Variants in ATP9B observed in about 807,000 individuals in gnomAD.
ATP9B encodes probable phospholipid-transporting ATPase IIB.
In ATP9B, 110 loss-of-function variants were observed where a neutral mutation model predicts 146.1. The ratio of observed to expected loss-of-function variants is 0.75; its 90% CI spans 0.65 to 0.88. The LOEUF is 0.88. Ranked by LOEUF, ATP9B falls within the 40% of genes least tolerant of loss-of-function variation. The pLI is 0.00. For missense variants in ATP9B, 1,499 were observed against 1,496.4 expected, an observed-to-expected ratio of 1.00 and a Z score of -0.03; for synonymous variants, 604 against 569.7, an observed-to-expected ratio of 1.06 and a Z score of -0.86.
At chr18:79,353,424 A>G (rs1004037017) in intron 25 of ATP9B, 1 of 152,294 alleles carries the variant, frequency 6.6e-6, no homozygotes, top group African/African-American at 2.4e-5. Flanking sequence ...GAAAACACCA[A>G]CGGCCATCCA....
chr18:79,132,746 C>T (rs2094396329), intron 5 of ATP9B, among the ~76,000 whole-genome samples: 1 of 152,152 alleles, frequency 6.6e-6, no homozygotes, highest in African/African-American at 2.4e-5. Context: ...TCCTTGTGTG[C>T]CTTTCTGTAG....
At chr18:79,080,736 A>G (rs867445560) in intron 1 of ATP9B, among the ~76,000 whole-genome samples, 2 of 152,172 alleles carry the variant, frequency 1.3e-5, no homozygotes, top group Non-Finnish European at 2.9e-5. Context: ...TTGCCCACTC[A>G]GTATGATATT....
In ATP9B at chr18:79,318,350, T is replaced by C. The variant is rs1381277978; in HGVS notation, c.1774-10791T>C. Among the ~76,000 whole-genome samples the C allele has an allele frequency of 5.3e-5, 8 of 152,186 alleles. No individual in the cohort carries two copies. In the South Asian group the frequency reaches 8.3e-4, roughly 16 times the overall value. On this transcript the variant is annotated intron_variant, in intron 15 of 29. Transcript: ENST00000426216. ...TAGATGCAGCCCCCACAGGATGTGG[T>C]CAACAGCACCTCACCTTCATGGTCT...
At chr18:79,204,090 G>A (rs892392073) in intron 9 of ATP9B, among the ~76,000 whole-genome samples, 1 of 152,144 alleles carries the variant, frequency 6.6e-6, no homozygotes, top group Admixed American at 6.5e-5. Context: ...AGTTTTTCTG[G>A]ATTGTTTATC....
At chr18:79,159,597 C>T (rs1600042996) in intron 7 of ATP9B, among the ~76,000 whole-genome samples, 1 of 152,266 alleles carries the variant, frequency 6.6e-6, no homozygotes, top group African/African-American at 2.4e-5. Flanking sequence ...CAACCCTCCC[C>T]TCAACCCCGC....
intron 5 of ATP9B, among the ~76,000 whole-genome samples, chr18:79,128,052 C>CG (rs2094315741): frequency 1.4e-5 from 1 of 71,686 alleles, no homozygotes; most frequent in Admixed American, 1.9e-4. Context: ...CCTTTGCCGA[C>CG]TTTTTTTTTT....
chr18:79,257,793 T>C (rs1013679779), intron 12 of ATP9B, among the ~76,000 whole-genome samples: 2 of 152,244 alleles, frequency 1.3e-5, no homozygotes, highest in Non-Finnish European at 2.9e-5. Context: ...TTTCATTAAT[T>C]TGATTTTTCT....
At chr18:79,345,962 C>A in intron 23 of ATP9B, 123 bp downstream of exon 23, 1 of 1,086,016 alleles carries the variant, frequency 9.2e-7, no homozygotes, top group Non-Finnish European at 1.4e-6. Context: ...ATGTGCTTAG[C>A]GTACGCTCGG....
At chr18:79,132,725 T>G (rs1407733432) in intron 5 of ATP9B, among the ~76,000 whole-genome samples, 1 of 152,254 alleles carries the variant, frequency 6.6e-6, no homozygotes, top group Non-Finnish European at 1.5e-5. Context: ...TGAATGGCAT[T>G]GATGGCAGCC....
At chr18:79,356,357 G>A (rs1289587793) in intron 25 of ATP9B, among the ~76,000 whole-genome samples, 2 of 151,978 alleles carry the variant, frequency 1.3e-5, no homozygotes, top group South Asian at 2.1e-4. Context: ...TAGCACTCAC[G>A]CTCCTGGGCG....
At chr18:79,299,307 C>T (rs1423138182) in intron 13 of ATP9B, among the ~76,000 whole-genome samples, 2 of 152,214 alleles carry the variant, frequency 1.3e-5, no homozygotes, top group Admixed American at 6.5e-5. Flanking sequence ...CCCCTCCTCC[C>T]TCTCCAGCCC....
At chr18:79,191,606 T>C (rs917220759) in intron 8 of ATP9B, among the ~76,000 whole-genome samples, 2 of 152,266 alleles carry the variant, frequency 1.3e-5, no homozygotes, top group Admixed American at 1.3e-4. Flanking sequence ...ATCTAAAGAA[T>C]TTATTGCAGA....
At chr18:79,207,104 G>A (rs2095541587) in intron 10 of ATP9B, 92 bp downstream of exon 10, 6 of 1,249,606 alleles carry the variant, frequency 4.8e-6, no homozygotes, top group Middle Eastern at 1.9e-4. Context: ...TTCTCACAGT[G>A]CCCTGAAATA....
At chr18:79,260,339 T>C (rs1324092603) in intron 12 of ATP9B, among the ~76,000 whole-genome samples, 1 of 152,092 alleles carries the variant, frequency 6.6e-6, no homozygotes, top group Non-Finnish European at 1.5e-5. Flanking sequence ...ACTCACTCAT[T>C]ATCACGAGAA....
intron 11 of ATP9B, among the ~76,000 whole-genome samples, chr18:79,228,889 G>T (rs2095762078): frequency 6.6e-6 from 1 of 152,080 alleles, no homozygotes; most frequent in Admixed American, 6.6e-5. Context: ...AGGTGGGTGT[G>T]GTAGGGCACA....
At chr18:79,289,383 A>G (rs2096478524) in intron 13 of ATP9B, among the ~76,000 whole-genome samples, 2 of 152,064 alleles carry the variant, frequency 1.3e-5, no homozygotes, top group African/African-American at 2.4e-5. Flanking sequence ...CATCACTGAT[A>G]CCCTTTCTTC....
chr18:79,102,801 A>G (rs2075378154), intron 2 of ATP9B, among the ~76,000 whole-genome samples: 1 of 152,166 alleles, frequency 6.6e-6, no homozygotes, highest in Non-Finnish European at 1.5e-5. Context: ...ATTTGAAGAT[A>G]ATTTGATCTC....
At chr18:79,247,184 T>C (rs1319583249) in intron 11 of ATP9B, among the ~76,000 whole-genome samples, 1 of 152,224 alleles carries the variant, frequency 6.6e-6, no homozygotes, top group Non-Finnish European at 1.5e-5. Flanking sequence ...CTTTCATATA[T>C]TGATTTACTT....
intron 4 of ATP9B, among the ~76,000 whole-genome samples, chr18:79,119,800 T>G (rs1054873819): frequency 1.3e-5 from 2 of 152,202 alleles, no homozygotes; most frequent in Non-Finnish European, 2.9e-5. Flanking sequence ...CTTTCTCTGT[T>G]TATATGCATC....
Sources: allele counts gnomAD v4.1 joint callset (sites outside exome capture counted in the v4.1 genomes callset), GRCh38; gene constraint gnomAD v4.1.1; transcripts MANE v1.5; gene names NCBI Gene and HGNC (gene_info 2026-07-23, HGNC 2026-07-21).